SHISA9: variants seen among roughly 807,000 people sequenced by gnomAD.
The protein encoded by SHISA9 is protein shisa-9.
Under a neutral mutation model 38.0 loss-of-function variants are expected in SHISA9, and 13 were observed. The observed-to-expected ratio is 0.34, with a 90% CI of 0.22 to 0.54. SHISA9 has a LOEUF of 0.54. SHISA9 is among the 20% of genes least tolerant of loss of function. The pLI, the probability that SHISA9 is intolerant of heterozygous loss-of-function variation, is 0.91. For missense variants in SHISA9, 538 were observed against 575.8 expected, an observed-to-expected ratio of 0.93 and a Z score of 0.67; for synonymous variants, 275 against 242.0, an observed-to-expected ratio of 1.14 and a Z score of -1.27.
intron 2 of SHISA9, among the ~76,000 whole-genome samples, chr16:13,198,808 C>A (rs184385820): frequency 6.6e-6 from 1 of 152,298 alleles, no homozygotes; most frequent in East Asian, 1.9e-4. Context: ...CTATCTAAAA[C>A]TGCCAGAAAT....
intron 2 of SHISA9, among the ~76,000 whole-genome samples, chr16:13,006,953 C>T (rs911001349): frequency 1.4e-4 from 21 of 152,180 alleles, no homozygotes; most frequent in Non-Finnish European, 5.9e-5. Flanking sequence ...ATCTTCAGCT[C>T]TCTTTCTGTC....
At chr16:13,381,665 C>T in the SHISA9 span, among the ~76,000 whole-genome samples, 1 of 151,940 alleles carries the variant, frequency 6.6e-6, no homozygotes, top group African/African-American at 2.4e-5. Context: ...TTCTCATTTA[C>T]TGTAAAAAAA....
chr16:13,476,129 G>A, the SHISA9 span, among the ~76,000 whole-genome samples: 1 of 152,162 alleles, frequency 6.6e-6, no homozygotes, highest in South Asian at 2.1e-4. Context: ...CATAGAAATT[G>A]ACCCTTCTGG....
At chr16:12,999,727 G>A (rs1030529274) in intron 2 of SHISA9, among the ~76,000 whole-genome samples, 2 of 152,134 alleles carry the variant, frequency 1.3e-5, no homozygotes, top group Admixed American at 6.6e-5. Flanking sequence ...GCCCCAACAG[G>A]GTATGCTGAC....
At chr16:13,141,895 C>T (rs900600729) in intron 2 of SHISA9, among the ~76,000 whole-genome samples, 2 of 152,170 alleles carry the variant, frequency 1.3e-5, no homozygotes, top group African/African-American at 4.8e-5. Context: ...CCCTTTACCT[C>T]CTCCATCCTT....
At chr16:13,409,004 C>G in the SHISA9 span, among the ~76,000 whole-genome samples, 1 of 152,186 alleles carries the variant, frequency 6.6e-6, no homozygotes, top group South Asian at 2.1e-4. Flanking sequence ...TGCCACACCC[C>G]ACTATCCTGT....
In SHISA9 at chr16:13,235,471, C is replaced by G. The variant is rs914334701; in HGVS notation, c.*62C>G. On this transcript the variant is annotated 3_prime_UTR_variant, in exon 5 of 5. Transcript: ENST00000558583. Reference sequence around the variant, plus strand: ...AACTGAGAGAGGCAAAAAACAACCCCGCCCACACCCTCCCCATCCTCCCCT... The same window carrying G: ...AACTGAGAGAGGCAAAAAACAACCCGGCCCACACCCTCCCCATCCTCCCCT... The G allele has an allele frequency of 1.0e-5, 15 of 1,464,638 alleles. No homozygotes were observed. The highest frequency in any genetic ancestry group is 1.4e-5 in the South Asian group (1 of 72,270). 90.7% of individuals were successfully genotyped at this position (1,464,638 alleles called of 1,614,324 possible). A position where few individuals can be genotyped will look rare whatever the true frequency, so the allele number is the denominator to read the frequency against.
chr16:13,414,797 A>T, the SHISA9 span, among the ~76,000 whole-genome samples: 7 of 151,862 alleles, frequency 4.6e-5, no homozygotes, highest in Admixed American at 2.6e-4. Context: ...ACGTCTGGCT[A>T]ATTTTTTGTA....
chr16:12,918,276 C>G (rs1056786341), intron 2 of SHISA9, among the ~76,000 whole-genome samples: 2 of 152,160 alleles, frequency 1.3e-5, no homozygotes, highest in African/African-American at 4.8e-5. Context: ...AGCACATTTT[C>G]TTTCAGTTCG....
the SHISA9 span, among the ~76,000 whole-genome samples, chr16:13,483,760 A>G: frequency 2.6e-5 from 4 of 152,192 alleles, no homozygotes; most frequent in African/African-American, 9.7e-5. Context: ...AACTGGGTCC[A>G]GAGATCTTCT....
chr16:13,347,839 A>ACCCC, the SHISA9 span, among the ~76,000 whole-genome samples: 230 of 68,090 alleles, frequency 3.4e-3, no homozygotes, highest in African/African-American at 8.3e-3. Context: ...AGAATAACGT[A>ACCCC]CCCCCCCACA....
chr16:13,222,967 C>T lies in SHISA9; in HGVS notation c.895+9667C>T, dbSNP rs1019151143. Among the ~76,000 whole-genome samples the T allele has an allele frequency of 2.0e-4, 30 of 152,138 alleles. 1 individual carries two copies. Among genetic ancestry groups the T allele is most frequent in the African/African-American group, 6.3e-4 (26 of 41,418 alleles). ...ACATTGGCCTTTTTTCAGGATGCAA[C>T]GTCCTCTACACGATTCTCTTCAATA... On this transcript the variant is annotated intron_variant, in intron 4 of 4. Transcript: ENST00000558583.
At chr16:13,117,260 C>T (rs2074039602) in intron 2 of SHISA9, among the ~76,000 whole-genome samples, 1 of 152,230 alleles carries the variant, frequency 6.6e-6, no homozygotes, top group Non-Finnish European at 1.5e-5. Context: ...TGGGCATGAG[C>T]CACTGTGCCT....
intron 2 of SHISA9, among the ~76,000 whole-genome samples, chr16:12,966,674 C>A (rs528907047): frequency 2.8e-4 from 42 of 152,300 alleles, no homozygotes; most frequent in African/African-American, 9.9e-4. Context: ...CAAAACTTAG[C>A]CCCTTGGAAG....
intron 2 of SHISA9, among the ~76,000 whole-genome samples, chr16:13,059,145 T>C (rs1160643028): frequency 1.3e-5 from 1 of 76,682 alleles, no homozygotes; most frequent in Non-Finnish European, 2.5e-5. Context: ...TTTTTTTTTT[T>C]GAGACAGAGT....
At chr16:12,951,401 C>T (rs928733965) in intron 2 of SHISA9, among the ~76,000 whole-genome samples, 1 of 152,056 alleles carries the variant, frequency 6.6e-6, no homozygotes, top group South Asian at 2.1e-4. Context: ...GTCAACTTTG[C>T]AGGGTGCACA....
At chr16:13,450,047 G>A in the SHISA9 span, among the ~76,000 whole-genome samples, 1 of 152,132 alleles carries the variant, frequency 6.6e-6, no homozygotes, top group Non-Finnish European at 1.5e-5. Context: ...AACCTGGGAG[G>A]TGGAGGTTGC....
chr16:13,028,847 G>C (rs570415362), intron 2 of SHISA9, among the ~76,000 whole-genome samples: 2 of 152,096 alleles, frequency 1.3e-5, no homozygotes, highest in Non-Finnish European at 2.9e-5. Context: ...TTCTCTGATC[G>C]GTCAGGATTA....
At chr16:13,450,136 C>T in the SHISA9 span, among the ~76,000 whole-genome samples, 10 of 152,108 alleles carry the variant, frequency 6.6e-5, no homozygotes, top group African/African-American at 2.4e-4. Context: ...ACACACAAAG[C>T]TCGCCAAAGG....
Sources: gnomAD v4.1 joint callset for allele counts (sites outside exome capture counted in the v4.1 genomes callset) on GRCh38, gnomAD v4.1.1 for gene constraint, MANE v1.5 for transcripts, NCBI Gene and HGNC (gene_info 2026-07-23, HGNC 2026-07-21) for gene names.